MELTF: variants seen among roughly 807,000 people sequenced by gnomAD.
MELTF encodes melanotransferrin.
MELTF carries 67 observed loss-of-function variants against 83.7 expected under a neutral mutation model. The observed-to-expected ratio is 0.80, with a 90% CI of 0.66 to 0.98. The LOEUF (loss-of-function observed/expected upper bound fraction) is 0.98, where lower values mean the gene tolerates loss of function less well. Ranked by LOEUF, MELTF falls within the 50% of genes least tolerant of loss-of-function variation. The pLI is 0.00. For missense variants in MELTF, 1,002 were observed against 1,035.6 expected (o/e 0.97, Z 0.44); for synonymous variants, 462 against 447.6 (o/e 1.03, Z -0.41).
In MELTF at chr3:197,006,008, C is replaced by G. The variant is rs1057105316; in HGVS notation, c.1938+541G>C. On this transcript the variant is annotated intron_variant, in intron 14 of 15. Coordinates refer to ENST00000296350, the MANE Select transcript of MELTF (RefSeq NM_005929.6). The surrounding 1 kb of genome is among the most constrained non-coding windows in gnomAD (Gnocchi z 5.4). ...GGCCGAGGTGGGCGGATCACGAGGTCAGGAGATCGAGACCATCCTGGCTAA... is the reference window on the plus strand; with the variant it reads ...GGCCGAGGTGGGCGGATCACGAGGTGAGGAGATCGAGACCATCCTGGCTAA... 6.6e-6 allele frequency among the ~76,000 whole-genome samples: 1 copy of G among 152,000 alleles called. No homozygotes were observed. The highest frequency in any genetic ancestry group is 1.5e-5 in the Non-Finnish European group (1 of 67,992).
At chr3:197,025,367 C>G (rs553772562) in intron 3 of MELTF, among the ~76,000 whole-genome samples, 1 of 152,238 alleles carries the variant, frequency 6.6e-6, no homozygotes, top group African/African-American at 2.4e-5. Context: ...GACTCACCCG[C>G]CTTGTTTCTT....
In MELTF at chr3:197,008,445, C is replaced by T. The variant is rs139177461; in HGVS notation, c.1750+212G>A. ...ACTTGAATTCCAGGCCAGTAAAAAC[C>T]GTCATGTATCCAGCACCCCTGGATG... On this transcript the variant is annotated intron_variant, in intron 13 of 15. Transcript: ENST00000296350. The surrounding 1 kb of genome is among the most constrained non-coding windows in gnomAD (Gnocchi z 5.4). Among the ~76,000 whole-genome samples the T allele has an allele frequency of 2.0e-5, 3 of 152,238 alleles. No homozygotes were observed. Among genetic ancestry groups the T allele is most frequent in the East Asian group, 1.9e-4 (1 of 5,178 alleles).
At chr3:197,014,084 T>C (rs1577933237) in intron 9 of MELTF, among the ~76,000 whole-genome samples, 1 of 152,222 alleles carries the variant, frequency 6.6e-6, no homozygotes, top group East Asian at 1.9e-4. Context: ...CTGGCCACAA[T>C]AGCCAGGATG....
At position 197,011,531 on chromosome 3, in the gene MELTF, G is replaced by T. The variant is rs1719186759; in HGVS notation, c.1234-737C>A. On this transcript the variant is annotated intron_variant, in intron 9 of 15. Coordinates refer to ENST00000296350, the MANE Select transcript of MELTF (RefSeq NM_005929.6). This position sits in a 1 kb window ranked among gnomAD's most constrained non-coding sequence, Gnocchi z 4.2. Reference sequence around the variant, plus strand: ...GAGAGTGCGGACACCTGTGCCCCAGGAAGGTGTCCCACGCCATTCCTGAAG... The same window carrying T: ...GAGAGTGCGGACACCTGTGCCCCAGTAAGGTGTCCCACGCCATTCCTGAAG... 6.6e-6 allele frequency among the ~76,000 whole-genome samples: 1 copy of T among 152,186 alleles called. No homozygotes were observed. The highest frequency in any genetic ancestry group is 1.5e-5 in the Non-Finnish European group (1 of 68,012).
In MELTF at chr3:197,003,429, G is replaced by A; in HGVS notation, c.2160C>T (p.Pro720=). The change falls in exon 16 of 16, where the codon CCC becomes CCT. Residue 720 remains proline (P), a synonymous_variant. Transcript: ENST00000296350. This position sits in a 1 kb window ranked among gnomAD's most constrained non-coding sequence, Gnocchi z 6.2. ...GGGCGGGCAGCAGCAGCGGGAGCAG[G>A]GGCGCCCCGGGCGCCGGGGCCGCTG... ...SGAAAPAPGA[P]LLPLLLPALA... is the part of the protein sequence containing the mutation. 6.3e-6 allele frequency: 7 copies of A among 1,109,684 alleles called. No individual in the cohort carries two copies. Among genetic ancestry groups the A allele is most frequent in the Non-Finnish European group, 7.7e-6 (7 of 911,168 alleles). 68.7% of individuals were successfully genotyped at this position (1,109,684 alleles called of 1,614,324 possible). A position where few individuals can be genotyped will look rare whatever the true frequency, so the allele number is the denominator to read the frequency against.
At chr3:197,015,234 C>T in intron 9 of MELTF, 131 bp downstream of exon 9, 2 of 1,167,998 alleles carry the variant, frequency 1.7e-6, no homozygotes, top group South Asian at 1.5e-5. Flanking sequence ...TCCTCCCCAC[C>T]CGTCTCTGTG....
At chr3:197,009,043 C>G in intron 11 of MELTF, 78 bp from the exon 12 acceptor site, 1 of 1,544,798 alleles carries the variant, frequency 6.5e-7, no homozygotes. Context: ...CGCTCCCCCA[C>G]AGGTCTGCCC....
chr3:197,017,969 A>AGCAGGGG (rs566380463), intron 6 of MELTF, among the ~76,000 whole-genome samples: 6 of 152,182 alleles, frequency 3.9e-5, no homozygotes, highest in African/African-American at 7.2e-5. Context: ...TTTGGCTCTG[A>AGCAGGGG]GCAGGGGGCA....
rs147201042 is a variant in MELTF at position 197,022,976 on chromosome 3, C to A, written c.625G>T (p.Asp209Tyr). 1.9e-6 allele frequency: 3 copies of A among 1,611,288 alleles called. No homozygotes were observed. Among genetic ancestry groups the A allele is most frequent in the South Asian group, 1.1e-5 (1 of 90,816 alleles). Residue 209 changes from aspartate (D) to tyrosine (Y), a missense_variant, in exon 5 of 16, where the codon GAC becomes TAC. By Grantham distance (160) the Asp-to-Tyr change is radical. Coordinates refer to ENST00000296350, the MANE Select transcript of MELTF (RefSeq NM_005929.6). The surrounding 1 kb of genome is among the most constrained non-coding windows in gnomAD (Gnocchi z 5.1). ...GCTCACCGGAAGGCCCCGCTGTAGTCGTAGTATCTCTCCAGGGGGCTCTTG... is the reference window on the plus strand; with the variant it reads ...GCTCACCGGAAGGCCCCGCTGTAGTAGTAGTATCTCTCCAGGGGGCTCTTG... ...CDKSPLERYY[D>Y]YSGAFRCLAE...
chr3:197,009,813 C>A lies in MELTF; in HGVS notation c.1331-1G>T. 1 of 1,607,284 alleles carries A rather than the reference C, an allele frequency of 6.2e-7. No individual in the cohort carries two copies. The highest frequency in any genetic ancestry group is 1.7e-4 in the Middle Eastern group (1 of 5,974). ...TAGTACGAGTTGCTGCTGTCTTCCG[C>A]TGGGGAGAGAGGGACTCACGTGAGG... On this transcript the variant is annotated splice_acceptor_variant, in intron 10 of 15. Coordinates refer to ENST00000296350, the MANE Select transcript of MELTF (RefSeq NM_005929.6). LOFTEE classifies it high-confidence loss of function.
In MELTF at chr3:197,008,528, G is replaced by A; in HGVS notation, c.1750+129C>T. On this transcript the variant is annotated intron_variant, in intron 13 of 15. Coordinates refer to ENST00000296350, the MANE Select transcript of MELTF (RefSeq NM_005929.6). This position sits in a 1 kb window ranked among gnomAD's most constrained non-coding sequence, Gnocchi z 5.4. ...CTTGGGGCTCCCAGCTTCCCAGGGG[G>A]CACAGCCTTCTAGACTCAGCCTCTC... 1.9e-6 allele frequency: 2 copies of A among 1,034,124 alleles called. No individual in the cohort carries two copies. The highest frequency in any genetic ancestry group is 1.4e-6 in the Non-Finnish European group (1 of 710,430). The allele number at this position is 1,034,124 out of a possible 1,614,324, so 64.1% of individuals were successfully genotyped here.
intron 10 of MELTF, 51 bp downstream of exon 10, chr3:197,010,646 TA>T: frequency 6.7e-7 from 1 of 1,490,608 alleles, no homozygotes; most frequent in Non-Finnish European, 9.3e-7. Flanking sequence ...TTTATATTTA[TA>T]AAAATATCCC....
At chr3:197,016,033 CT>C (rs2148584543) in intron 8 of MELTF, among the ~76,000 whole-genome samples, 155 bp downstream of exon 8, 1 of 152,304 alleles carries the variant, frequency 6.6e-6, no homozygotes, top group East Asian at 1.9e-4. Context: ...GAGATGCCTC[CT>C]CCCCAAAGCC....
rs764863797 is a variant in MELTF at position 197,027,758 on chromosome 3, C to A, written c.202G>T (p.Ala68Ser). The change falls in exon 2 of 16, where the codon GCG (alanine) becomes TCG (serine). Residue 68 changes from alanine to serine, a missense_variant and splice_region_variant. Physicochemically the swap from Ala to Ser is moderately conservative, Grantham distance 99 (BLOSUM62 1). Transcript: ENST00000296350. The part of the protein sequence containing the change: ...TSADHCVQLI[A>S]AQEADAITLD... ...AGGGTGGAAGGGAGAGGACTCACCG[C>A]GATGAGCTGGACGCAGTGGTCGGCG... 4 of 1,606,236 alleles carry A rather than the reference C, an allele frequency of 2.5e-6. No homozygotes were observed. The highest frequency in any genetic ancestry group is 3.4e-6 in the Non-Finnish European group (4 of 1,175,708).
In MELTF at chr3:197,003,215, G is replaced by T; in HGVS notation, c.*157C>A. ...CGGGGGCGGCGCCTCAGGTAGCAGC[G>T]CCAGGTGGCGCCCGTGGGCGGCGGG... On this transcript the variant is annotated 3_prime_UTR_variant, in exon 16 of 16. Transcript: ENST00000296350. The surrounding 1 kb of genome is among the most constrained non-coding windows in gnomAD (Gnocchi z 6.2). 1 of 823,168 alleles carries T rather than the reference G, an allele frequency of 1.2e-6. No homozygotes were observed. Among genetic ancestry groups the T allele is most frequent in the Non-Finnish European group, 1.5e-6 (1 of 676,094 alleles). The allele number at this position is 823,168 out of a possible 1,614,324, so 51.0% of individuals were successfully genotyped here. A position where few individuals can be genotyped will look rare whatever the true frequency, so the allele number is the denominator to read the frequency against.
In MELTF at chr3:197,006,589, G is replaced by C; in HGVS notation, c.1898C>G (p.Thr633Ser). ...PPHAVMVRPDTNIFTVYGLLD... is the reference protein window; with the variant it reads ...PPHAVMVRPDSNIFTVYGLLD... Reference sequence around the variant, plus strand: ...CAGTCCATACACGGTGAAGATGTTGGTGTCGGGCCGGACCATCACGGCGTG... The same window carrying C: ...CAGTCCATACACGGTGAAGATGTTGCTGTCGGGCCGGACCATCACGGCGTG... Residue 633 changes from threonine to serine, a missense_variant, in exon 14 of 16, where the codon ACC becomes AGC. Thr to Ser is a moderately conservative substitution (Grantham distance 58, BLOSUM62 1). Transcript: ENST00000296350. This position sits in a 1 kb window ranked among gnomAD's most constrained non-coding sequence, Gnocchi z 5.4. 3 of 1,613,796 alleles carry C rather than the reference G, an allele frequency of 1.9e-6. No homozygotes were observed. The highest frequency in any genetic ancestry group is 2.5e-6 in the Non-Finnish European group (3 of 1,179,836).
In MELTF at chr3:197,021,468, G is replaced by A. The variant is rs1719621659; in HGVS notation, c.648C>T (p.Cys216=). The change falls in exon 6 of 16, where the codon TGC becomes TGT. Residue 216 remains cysteine (C), a synonymous_variant. Transcript: ENST00000296350. ...RYYDYSGAFR[C]LAEGAGDVAF... Reference sequence around the variant, plus strand: ...CCACGTCCCCTGCCCCTTCCGCCAGGCACCTGCGGAGGAGAAGCTGTGGGT... The same window carrying A: ...CCACGTCCCCTGCCCCTTCCGCCAGACACCTGCGGAGGAGAAGCTGTGGGT... 1 of 1,613,614 alleles carries A rather than the reference G, an allele frequency of 6.2e-7. No individual in the cohort carries two copies. Among genetic ancestry groups the A allele is most frequent in the Middle Eastern group, 1.6e-4 (1 of 6,062 alleles).
chr3:197,009,641 G>A lies in MELTF; in HGVS notation c.1502C>T (p.Pro501Leu), dbSNP rs769651119. 2 of 1,612,664 alleles carry A rather than the reference G, an allele frequency of 1.2e-6. No homozygotes were observed. Among genetic ancestry groups the A allele is most frequent in the Non-Finnish European group, 1.7e-6 (2 of 1,178,936 alleles). ...ACCTGTGAGGACGTCACAGTCCTTG[G>A]GCCGGATGAAGCCTCTCTGAATAAG... is the stretch of plus-strand genomic sequence containing the variant. ...GALIQRGFIR[P>L]KDCDVLTAVS... The change falls in exon 11 of 16, where the codon CCC becomes CTC. Residue 501 changes from proline to leucine, a missense_variant. Pro to Leu is a moderately conservative substitution (Grantham distance 98). Coordinates refer to ENST00000296350, the MANE Select transcript of MELTF (RefSeq NM_005929.6).
Position 197,006,482 on chromosome 3 carries a change from G to A in MELTF, c.1938+67C>T, listed in dbSNP as rs111421590. The A allele has an allele frequency of 3.1e-3, 4,512 of 1,440,666 alleles. 131 individuals carry two copies. The African/African-American group carries it at 0.059, about 19-fold the overall frequency. 89.2% of individuals were successfully genotyped at this position (1,440,666 alleles called of 1,614,324 possible). A position where few individuals can be genotyped will look rare whatever the true frequency, so the allele number is the denominator to read the frequency against. ...TAGAGGTCTGCTCCAGGTAGACTGA[G>A]GCCTCCCAGGGGCTCAGCTTACCTC... On this transcript the variant is annotated intron_variant, in intron 14 of 15. Transcript: ENST00000296350. The surrounding 1 kb of genome is among the most constrained non-coding windows in gnomAD (Gnocchi z 5.4).
Sources: allele counts gnomAD v4.1 joint callset (sites outside exome capture counted in the v4.1 genomes callset), GRCh38; gene constraint gnomAD v4.1.1; non-coding constraint Gnocchi (gnomAD v3.1); transcripts MANE v1.5; gene names NCBI Gene and HGNC (gene_info 2026-07-23, HGNC 2026-07-21).